ADAMTSL3: variants seen among roughly 807,000 people sequenced by gnomAD.
ADAMTSL3 encodes the protein ADAMTS-like protein 3.
In ADAMTSL3, 128 loss-of-function variants were observed where a neutral mutation model predicts 201.7. The observed-to-expected ratio is 0.63, with a 90% CI of 0.55 to 0.73. The LOEUF (loss-of-function observed/expected upper bound fraction) is 0.73. ADAMTSL3 is among the 30% of genes least tolerant of loss of function. The pLI, the probability that ADAMTSL3 is intolerant of heterozygous loss-of-function variation, is 0.00. For synonymous variants in ADAMTSL3, 738 were observed against 748.4 expected (o/e 0.99, Z 0.23); for missense variants, 1,990 against 2,119.6 (o/e 0.94, Z 1.20).
chr15:83,752,385 TA>T (rs2141675135), intron 3 of ADAMTSL3, among the ~76,000 whole-genome samples: 1 of 152,314 alleles, frequency 6.6e-6, no homozygotes, highest in Non-Finnish European at 1.5e-5. Context: ...TGGATATTAC[TA>T]AAATTTATAA....
intron 10 of ADAMTSL3, 88 bp downstream of exon 10, chr15:83,885,300 G>A (rs947432466): frequency 5.7e-6 from 6 of 1,050,474 alleles, no homozygotes; most frequent in African/African-American, 4.7e-5. Flanking sequence ...TTTAAAATTG[G>A]TGTGGTGATT....
At chr15:83,787,167 CA>C (rs1181695733) in intron 4 of ADAMTSL3, among the ~76,000 whole-genome samples, 5 of 152,160 alleles carry the variant, frequency 3.3e-5, no homozygotes, top group South Asian at 4.1e-4. Flanking sequence ...TTTACTAGGA[CA>C]GGGGCGACTC....
intron 3 of ADAMTSL3, among the ~76,000 whole-genome samples, chr15:83,736,370 A>G (rs1454170817): frequency 6.6e-6 from 1 of 152,242 alleles, no homozygotes; most frequent in Non-Finnish European, 1.5e-5. Flanking sequence ...TTCTGCATCT[A>G]CTTCATCGCA....
chr15:83,821,156 C>T (rs905717217), intron 6 of ADAMTSL3, among the ~76,000 whole-genome samples: 1 of 151,576 alleles, frequency 6.6e-6, no homozygotes, highest in African/African-American at 2.4e-5. Flanking sequence ...TGCATCTATT[C>T]TTTTGACTTC....
chr15:83,703,713 G>A (rs1345688162), intron 2 of ADAMTSL3, among the ~76,000 whole-genome samples: 1 of 152,078 alleles, frequency 6.6e-6, no homozygotes, highest in Non-Finnish European at 1.5e-5. Flanking sequence ...TCCCAGTCTC[G>A]GGTATGTAGT....
chr15:84,024,638 T>G (rs1206077835), intron 26 of ADAMTSL3, among the ~76,000 whole-genome samples: 1 of 152,208 alleles, frequency 6.6e-6, no homozygotes, highest in African/African-American at 2.4e-5. Flanking sequence ...GACAAAGCAC[T>G]CAATATCTCA....
chr15:83,971,572 A>C, intron 20 of ADAMTSL3, among the ~76,000 whole-genome samples: 1 of 147,750 alleles, frequency 6.8e-6, no homozygotes, highest in Non-Finnish European at 1.5e-5. Context: ...AAAAAAAAAA[A>C]AAAAAGAAAG....
chr15:83,876,421 C>A (rs1412140195), intron 9 of ADAMTSL3, among the ~76,000 whole-genome samples: 2 of 147,844 alleles, frequency 1.4e-5, no homozygotes, highest in Non-Finnish European at 3.0e-5. Flanking sequence ...GAGCTGAATT[C>A]TTAATTCATT....
chr15:84,021,011 C>T (rs1392271443), intron 25 of ADAMTSL3, among the ~76,000 whole-genome samples: 1 of 152,204 alleles, frequency 6.6e-6, no homozygotes, highest in Non-Finnish European at 1.5e-5. Context: ...CTGCCTGATC[C>T]ACTTTTGAGA....
intron 7 of ADAMTSL3, among the ~76,000 whole-genome samples, chr15:83,856,374 C>T (rs2064733291): frequency 1.3e-5 from 2 of 151,740 alleles, no homozygotes; most frequent in African/African-American, 4.8e-5. Flanking sequence ...ACCAGGTTTC[C>T]CTATGTTGCC....
Position 83,679,380 on chromosome 15 carries a change from C to T in ADAMTSL3, c.69+23550C>T, listed in dbSNP as rs552910744. ...TCCCATTTAAGTTATTTTCCTAATT[C>T]GTAGTATAAAAAGTGATTTTTAAAT... On this transcript the variant is annotated intron_variant, in intron 2 of 29. Coordinates refer to ENST00000286744, the MANE Select transcript of ADAMTSL3 (RefSeq NM_207517.3). Among the ~76,000 whole-genome samples, 14 of 152,050 alleles carry T rather than the reference C, an allele frequency of 9.2e-5. No homozygotes were observed. In the South Asian group the frequency reaches 1.5e-3, roughly 16 times the overall value.
chr15:83,788,075 G>T (rs2063292332), intron 4 of ADAMTSL3, among the ~76,000 whole-genome samples: 1 of 151,486 alleles, frequency 6.6e-6, no homozygotes, highest in Non-Finnish European at 1.5e-5. Context: ...CCTTTCCTGA[G>T]TTTTTTTTCC....
rs1288465165 is a variant in ADAMTSL3 at position 83,890,229 on chromosome 15, T to G, written c.1193T>G (p.Met398Arg). 3.7e-6 allele frequency: 6 copies of G among 1,613,934 alleles called. No homozygotes were observed. Among genetic ancestry groups the G allele is most frequent in the Non-Finnish European group, 5.1e-6 (6 of 1,179,848 alleles). ...AAACCAAAACTGAAGGAATGCAGCATGGATCCCTGCCCATCAAGGTTTGTG... is the reference window on the plus strand; with the variant it reads ...AAACCAAAACTGAAGGAATGCAGCAGGGATCCCTGCCCATCAAGGTTTGTG... ...KPKPKLKECS[M>R]DPCPSSDGFK... The change falls in exon 11 of 30, where the codon ATG becomes AGG. Residue 398 changes from methionine to arginine, a missense_variant. Transcript: ENST00000286744.
intron 21 of ADAMTSL3, among the ~76,000 whole-genome samples, 162 bp downstream of exon 21, chr15:83,983,506 C>A (rs976452523): frequency 3.3e-5 from 5 of 152,220 alleles, no homozygotes; most frequent in African/African-American, 4.8e-5. Flanking sequence ...TTCACATATA[C>A]GTTGGAATTT....
At chr15:83,942,471 G>A (rs760336179) in intron 17 of ADAMTSL3, 125 bp from the exon 18 acceptor site, 13 of 786,014 alleles carry the variant, frequency 1.7e-5, no homozygotes, top group Admixed American at 1.6e-4. Flanking sequence ...TGCTGTGACT[G>A]TAGAATCTGT....
At position 83,833,738 on chromosome 15, in the gene ADAMTSL3, C is replaced by T. The variant is rs75651443; in HGVS notation, c.601-4351C>T. On this transcript the variant is annotated intron_variant, in intron 6 of 29. Transcript: ENST00000286744. ...TGATTCATGCTTAGATGGCTTAGTA[C>T]GGGGATTAAAACTCAGATGTCTACA... Among the ~76,000 whole-genome samples the T allele has an allele frequency of 7.7e-3, 1,176 of 152,126 alleles. 15 individuals are homozygous for T. The highest frequency in any genetic ancestry group is 0.027 in the African/African-American group (1,105 of 41,486).
chr15:84,003,228 G>A (rs1224715482), intron 23 of ADAMTSL3, among the ~76,000 whole-genome samples: 1 of 151,888 alleles, frequency 6.6e-6, no homozygotes, highest in Non-Finnish European at 1.5e-5. Context: ...TGAGATTACA[G>A]GTGGGAGCCA....
Position 83,983,439 on chromosome 15 carries a change from C to A in ADAMTSL3, c.3716+95C>A, listed in dbSNP as rs1050009345. On this transcript the variant is annotated intron_variant, in intron 21 of 29. Transcript: ENST00000286744. ...AATATTTTCAAATTCCTCTCCTAAG[C>A]ATGTGTTTCCAACAGGATTCTTTAG... The A allele has an allele frequency of 2.0e-5, 19 of 929,806 alleles. No individual in the cohort carries two copies. The African/African-American group carries it at 3.1e-4, about 15-fold the overall frequency. The allele number at this position is 929,806 out of a possible 1,614,324, so 57.6% of individuals were successfully genotyped here. A position where few individuals can be genotyped will look rare whatever the true frequency, so the allele number is the denominator to read the frequency against.
At chr15:84,003,484 T>C (rs1241109718) in intron 23 of ADAMTSL3, among the ~76,000 whole-genome samples, 1 of 152,154 alleles carries the variant, frequency 6.6e-6, no homozygotes, top group African/African-American at 2.4e-5. Context: ...GTTGCTTTAA[T>C]TCCATGAGTC....
Sources: allele counts gnomAD v4.1 joint callset (sites outside exome capture counted in the v4.1 genomes callset), GRCh38; gene constraint gnomAD v4.1.1; transcripts MANE v1.5; gene names NCBI Gene and HGNC (gene_info 2026-07-23, HGNC 2026-07-21).